The following STAB2 variants were observed in gnomAD, a reference collection of about 807,000 sequenced individuals.
The protein encoded by STAB2 is stabilin-2.
In STAB2, 288 loss-of-function variants were observed where a neutral mutation model predicts 338.1. That is an observed-to-expected ratio of 0.85 (90% CI 0.77 to 0.94). The LOEUF is 0.94. Among genes scored for constraint, STAB2 ranks in the 40% least tolerant of loss-of-function variants. STAB2 has a pLI of 0.00. For synonymous variants in STAB2, 1,202 were observed against 1,193.3 expected, an observed-to-expected ratio of 1.01 and a Z score of -0.15; for missense variants, 3,141 against 3,210.1, an observed-to-expected ratio of 0.98 and a Z score of 0.52.
rs779933964 is a variant in STAB2, at chr12:103,726,135, A to G, written c.4823A>G (p.Lys1608Arg). Residue 1608 changes from lysine (K) to arginine (R), a missense_variant, in exon 46 of 69, where the codon AAA becomes AGA. By Grantham distance (26) the Lys-to-Arg change is conservative. Transcript: ENST00000388887. ...SIYQELPKNP[K>R]TSQYFFQLQE... ...TTGCAGGAGCTTCCCAAGAACCCGA[A>G]AACTTCCCAGTATTTCTTCCAGTTG... 5 of 1,613,846 alleles carry G rather than the reference A, an allele frequency of 3.1e-6. No homozygotes were observed. The highest frequency in any genetic ancestry group is 3.3e-5 in the Admixed American group (2 of 59,992).
At chr12:103,733,330 C>T (rs1881792965) in intron 51 of STAB2, 148 bp downstream of exon 51, 1 of 948,280 alleles carries the variant, frequency 1.1e-6, no homozygotes, top group Non-Finnish European at 1.6e-6. Context: ...CCCACTGTGT[C>T]CTCCTCTGAC....
chr12:103,734,858 T>A (rs2139094674), intron 51 of STAB2, among the ~76,000 whole-genome samples: 1 of 152,314 alleles, frequency 6.6e-6, no homozygotes, highest in Middle Eastern at 3.4e-3. Context: ...CCGCTTCTGG[T>A]GGCTTCTGGA....
At chr12:103,666,152 G>GATCTC in intron 18 of STAB2, 139 bp from the exon 19 acceptor site, 1 of 740,042 alleles carries the variant, frequency 1.4e-6, no homozygotes, top group South Asian at 1.7e-5. Context: ...GGTGTGGGGA[G>GATCTC]GGGGTGGGTA....
In STAB2 at chr12:103,763,472, A is replaced by C; in HGVS notation, c.7489-20A>C. On this transcript the variant is annotated intron_variant, in intron 67 of 68. Transcript: ENST00000388887. ...TGCTTTGGGGATGCTCCTGGCTTTC[A>C]TGCTTGTCTTTCCAAACAGTCGGAA... 6.2e-7 allele frequency: 1 copy of C among 1,612,400 alleles called. No homozygotes were observed. Among genetic ancestry groups the C allele is most frequent in the Non-Finnish European group, 8.5e-7 (1 of 1,178,696 alleles).
At chr12:103,711,418 C>T (rs1879840842) in intron 39 of STAB2, 53 bp from the exon 40 acceptor site, 3 of 1,609,872 alleles carry the variant, frequency 1.9e-6, no homozygotes, top group Non-Finnish European at 2.5e-6. Flanking sequence ...ACTAAAAATC[C>T]TCAGGTGAGA....
At chr12:103,597,076 C>A (rs1956887851) in intron 3 of STAB2, among the ~76,000 whole-genome samples, 1 of 151,582 alleles carries the variant, frequency 6.6e-6, no homozygotes, top group African/African-American at 2.4e-5. Context: ...GACATTATTT[C>A]TACTGTCCTT....
chr12:103,591,737 T>C (rs972355999), intron 2 of STAB2, among the ~76,000 whole-genome samples: 17 of 152,216 alleles, frequency 1.1e-4, no homozygotes, highest in Non-Finnish European at 2.4e-4. Context: ...TTGCATTTTA[T>C]GTAAACTTTG....
rs1957282387 is a variant in STAB2, at chr12:103,620,530, G to T, written c.394G>T (p.Gly132Ter). 1.9e-6 allele frequency: 3 copies of T among 1,575,174 alleles called. No homozygotes were observed. The highest frequency in any genetic ancestry group is 2.6e-6 in the Non-Finnish European group (3 of 1,158,970). The change falls in exon 4 of 69, where the codon GGA becomes TGA. Residue 132 changes from glycine (G) to a stop codon, truncating the protein, a stop_gained. Coordinates refer to ENST00000388887, the MANE Select transcript of STAB2 (RefSeq NM_017564.10). LOFTEE classifies it high-confidence loss of function. ...GRGSCAEGMEGNGTCSCQEGF... is the reference protein window; with the variant it reads ...GRGSCAEGME ...AGGCAGTTGTGCTGAAGGCATGGAA[G>T]GAAATGGAACCTGCTCCTGCCAAGT...
intron 2 of STAB2, among the ~76,000 whole-genome samples, chr12:103,591,451 C>T (rs576241573): frequency 1.3e-5 from 2 of 152,350 alleles, no homozygotes; most frequent in Non-Finnish European, 2.9e-5. Flanking sequence ...AGCCACTGCA[C>T]TCCAGCCTGG....
chr12:103,589,638 C>T (rs1956765961), intron 1 of STAB2, among the ~76,000 whole-genome samples: 1 of 152,092 alleles, frequency 6.6e-6, no homozygotes, highest in Non-Finnish European at 1.5e-5. Flanking sequence ...CTGGGCCAGC[C>T]ACAGGAAGAG....
chr12:103,749,084 A>G lies in STAB2; in HGVS notation c.6366A>G (p.Thr2122=). ...KGYKGDGHSC[T]EIDPCADGLN... ...ACAAAGGGGACGGGCACAGCTGCACAGAGATAGACCCCTGTGCAGACGGCC... is the reference window on the plus strand; with the variant it reads ...ACAAAGGGGACGGGCACAGCTGCACGGAGATAGACCCCTGTGCAGACGGCC... Residue 2122 remains threonine, a synonymous_variant, in exon 59 of 69, where the codon ACA becomes ACG. Transcript: ENST00000388887. 1 of 1,614,158 alleles carries G rather than the reference A, an allele frequency of 6.2e-7. No homozygotes were observed. Among genetic ancestry groups the G allele is most frequent in the Non-Finnish European group, 8.5e-7 (1 of 1,180,030 alleles).
chr12:103,589,154 C>T (rs1385933930), intron 1 of STAB2, among the ~76,000 whole-genome samples: 1 of 152,128 alleles, frequency 6.6e-6, no homozygotes, highest in East Asian at 1.9e-4. Flanking sequence ...GGATGCATAA[C>T]CAATAATCGT....
Position 103,620,511 on chromosome 12 carries a change from T to C in STAB2, c.375T>C (p.Ser125=). 3 of 1,583,532 alleles carry C rather than the reference T, an allele frequency of 1.9e-6. No individual in the cohort carries two copies. The highest frequency in any genetic ancestry group is 2.6e-6 in the Non-Finnish European group (3 of 1,163,488). ...GAGSPCNGRG[S]CAEGMEGNGT... ...GGTCACCCTGCAATGGCAGAGGCAG[T>C]TGTGCTGAAGGCATGGAAGGAAATG... Residue 125 remains serine (S), a synonymous_variant, in exon 4 of 69, where the codon AGT becomes AGC. Transcript: ENST00000388887.
chr12:103,742,409 C>A lies in STAB2; in HGVS notation c.5886C>A (p.Cys1962Ter), dbSNP rs747762448. ...CTGCTGTTTCATCTCTTCCAGCCTG[C>A]CCTGGAGGACCAGATGCCCCGTGTA... ...KGYFGRDCQA[C>*]PGGPDAPCNN... is the part of the protein sequence containing the mutation. The change falls in exon 56 of 69, where the codon TGC (cysteine) becomes TGA (stop). Residue 1962 changes from cysteine (C) to a stop codon, truncating the protein, a stop_gained. Transcript: ENST00000388887. LOFTEE classifies it high-confidence loss of function. The A allele has an allele frequency of 2.5e-6, 4 of 1,614,006 alleles. No individual in the cohort carries two copies. Among genetic ancestry groups the A allele is most frequent in the African/African-American group, 1.3e-5 (1 of 75,030 alleles).
At chr12:103,641,527 A>C (rs1004064838) in intron 9 of STAB2, among the ~76,000 whole-genome samples, 1 of 152,180 alleles carries the variant, frequency 6.6e-6, no homozygotes, top group African/African-American at 2.4e-5. Flanking sequence ...CCATGCATAT[A>C]GGCACAGAGG....
chr12:103,678,512 AGACAAAT>A (rs1876594967), intron 25 of STAB2, among the ~76,000 whole-genome samples: 1 of 152,128 alleles, frequency 6.6e-6, no homozygotes, highest in Admixed American at 6.5e-5. Context: ...GAATTTACCC[AGACAAAT>A]GGAGATCTGC....
At chr12:103,727,138 G>A in intron 46 of STAB2, 129 bp from the exon 47 acceptor site, 1 of 876,336 alleles carries the variant, frequency 1.1e-6, no homozygotes. Context: ...TTGAATCCAA[G>A]ACTGAAACAG....
rs768489963 is a variant in STAB2, at chr12:103,695,782, G to A, written c.3520G>A (p.Val1174Met). The A allele has an allele frequency of 8.1e-6, 13 of 1,614,198 alleles. No homozygotes were observed. The highest frequency in any genetic ancestry group is 1.1e-5 in the Non-Finnish European group (13 of 1,180,038). ...NAIEAADAYT[V>M]FAPNNNAIEN... is the part of the protein sequence containing the mutation. Reference sequence around the variant, plus strand: ...AATTGAGGCTGCCGATGCCTACACAGTGTTTGCTCCAAACAACAATGCCAT... The same window carrying A: ...AATTGAGGCTGCCGATGCCTACACAATGTTTGCTCCAAACAACAATGCCAT... Residue 1174 changes from valine (V) to methionine (M), a missense_variant, in exon 33 of 69, where the codon GTG becomes ATG. By Grantham distance (21) the Val-to-Met change is conservative. Transcript: ENST00000388887.
intron 9 of STAB2, 71 bp from the exon 10 acceptor site, chr12:103,648,619 G>A (rs1873503710): frequency 3.2e-6 from 5 of 1,568,972 alleles, no homozygotes; most frequent in South Asian, 1.2e-5. Context: ...TTCAATGAGG[G>A]GATTGGACTG....
Sources: gnomAD v4.1 joint callset for allele counts (sites outside exome capture counted in the v4.1 genomes callset) on GRCh38, gnomAD v4.1.1 for gene constraint, MANE v1.5 for transcripts, NCBI Gene and HGNC (gene_info 2026-07-23, HGNC 2026-07-21) for gene names.